Variants in NELL1 observed in about 807,000 individuals in gnomAD.
NELL1 encodes the protein protein kinase C-binding protein NELL1.
NELL1 carries 76 observed loss-of-function variants against 107.4 expected under a neutral mutation model. The observed-to-expected ratio is 0.71, with a 90% CI of 0.59 to 0.86. NELL1 has a LOEUF of 0.86. Ranked by LOEUF, NELL1 falls within the 40% of genes least tolerant of loss-of-function variation. NELL1 has a pLI of 0.00. For missense variants in NELL1, 1,024 were observed against 1,005.5 expected (o/e 1.02, Z -0.25); for synonymous variants, 353 against 341.2 (o/e 1.03, Z -0.38).
At chr11:20,825,669 C>G (rs1362066701) in intron 3 of NELL1, among the ~76,000 whole-genome samples, 2 of 151,308 alleles carry the variant, frequency 1.3e-5, no homozygotes, top group Admixed American at 6.6e-5. Flanking sequence ...TAGGAAGTAA[C>G]TAACTTGCTT....
At chr11:21,108,410 A>G (rs945399710) in intron 12 of NELL1, among the ~76,000 whole-genome samples, 1 of 152,156 alleles carries the variant, frequency 6.6e-6, no homozygotes, top group Non-Finnish European at 1.5e-5. Flanking sequence ...TTTTAAAACA[A>G]AAACAAACTA....
chr11:21,211,656 A>G (rs1172013985), intron 13 of NELL1, among the ~76,000 whole-genome samples: 1 of 152,172 alleles, frequency 6.6e-6, no homozygotes, highest in Non-Finnish European at 1.5e-5. Flanking sequence ...GATAACTTGG[A>G]TAAGCGGAAT....
At chr11:20,755,865 GTTT>G (rs574606148) in intron 2 of NELL1, among the ~76,000 whole-genome samples, 3 of 122,074 alleles carry the variant, frequency 2.5e-5, no homozygotes, top group African/African-American at 6.6e-5. Context: ...CAGACCTGCG[GTTT>G]TTTTTTTTTT....
intron 14 of NELL1, among the ~76,000 whole-genome samples, chr11:21,354,847 T>A (rs1032980334): frequency 6.6e-6 from 1 of 152,200 alleles, no homozygotes; most frequent in East Asian, 1.9e-4. Context: ...CTGGAATTTA[T>A]CTCTTTAAAA....
intron 13 of NELL1, among the ~76,000 whole-genome samples, chr11:21,137,395 A>G (rs1018553834): frequency 1.4e-4 from 21 of 152,246 alleles, no homozygotes; most frequent in Non-Finnish European, 2.4e-4. Flanking sequence ...AGGATCATAC[A>G]GGCTCAGGAG....
intron 15 of NELL1, among the ~76,000 whole-genome samples, chr11:21,374,891 G>GTC (rs1347875269): frequency 4.0e-5 from 1 of 25,304 alleles, no homozygotes; most frequent in African/African-American, 7.6e-5. Context: ...GTGTGTCTGT[G>GTC]TGTGTGTGTG....
chr11:20,954,497 A>T (rs1017110444), intron 11 of NELL1, among the ~76,000 whole-genome samples: 1 of 152,166 alleles, frequency 6.6e-6, no homozygotes. Context: ...GATTGAGGCC[A>T]TAGGTGGTTT....
intron 9 of NELL1, among the ~76,000 whole-genome samples, chr11:20,936,677 T>G (rs1411652981): frequency 6.6e-6 from 1 of 152,224 alleles, no homozygotes; most frequent in Non-Finnish European, 1.5e-5. Context: ...GTAAGCTCCA[T>G]GAGAAGAAAG....
In NELL1 at chr11:20,919,345, A is replaced by T. The variant is rs779651456; in HGVS notation, c.759+11A>T. 3 of 1,499,868 alleles carry T rather than the reference A, an allele frequency of 2.0e-6. No individual in the cohort carries two copies. The highest frequency in any genetic ancestry group is 2.8e-6 in the Non-Finnish European group (3 of 1,081,990). The allele number at this position is 1,499,868 out of a possible 1,614,324, so 92.9% of individuals were successfully genotyped here. A position where few individuals can be genotyped will look rare whatever the true frequency, so the allele number is the denominator to read the frequency against. ...AAGATGACTGCAAAAGTAGGTATCTAAATTTCATTTGTGATGTTTCATTTC... is the reference window on the plus strand; with the variant it reads ...AAGATGACTGCAAAAGTAGGTATCTTAATTTCATTTGTGATGTTTCATTTC... On this transcript the variant is annotated intron_variant, in intron 7 of 19. Transcript: ENST00000357134.
intron 12 of NELL1, among the ~76,000 whole-genome samples, chr11:20,975,822 A>G (rs897885757): frequency 1.4e-4 from 18 of 130,172 alleles, no homozygotes; most frequent in Admixed American, 6.3e-4. Flanking sequence ...TTATATATGT[A>G]TTATATATGT....
intron 13 of NELL1, among the ~76,000 whole-genome samples, chr11:21,142,046 G>A (rs949054940): frequency 1.2e-4 from 19 of 152,276 alleles, no homozygotes; most frequent in African/African-American, 4.3e-4. Flanking sequence ...TTATAGGCAT[G>A]AGCCACCACA....
At chr11:20,902,744 TTAAA>T (rs1165244571) in intron 5 of NELL1, among the ~76,000 whole-genome samples, 2 of 152,066 alleles carry the variant, frequency 1.3e-5, no homozygotes, top group Non-Finnish European at 2.9e-5. Context: ...AGGAGAATGT[TTAAA>T]TACGTTGTAG....
intron 2 of NELL1, among the ~76,000 whole-genome samples, chr11:20,756,105 C>T (rs894133047): frequency 1.3e-5 from 2 of 151,516 alleles, no homozygotes; most frequent in Non-Finnish European, 2.9e-5. Flanking sequence ...TGGTCTCGAT[C>T]TCCTGACCTC....
intron 3 of NELL1, among the ~76,000 whole-genome samples, chr11:20,835,914 A>C (rs568220448): frequency 6.6e-6 from 1 of 152,162 alleles, no homozygotes; most frequent in Non-Finnish European, 1.5e-5. Context: ...CCATGGAAGA[A>C]AAAGTTGTTA....
chr11:20,927,793 G>A (rs1850532195), intron 8 of NELL1, among the ~76,000 whole-genome samples: 1 of 152,112 alleles, frequency 6.6e-6, no homozygotes, highest in African/African-American at 2.4e-5. Context: ...CTTTAAAAGG[G>A]GAGTTTAATT....
intron 13 of NELL1, among the ~76,000 whole-genome samples, chr11:21,174,965 A>G (rs1186333422): frequency 6.6e-6 from 1 of 151,730 alleles, no homozygotes; most frequent in African/African-American, 2.4e-5. Context: ...AATTATGAGT[A>G]GTCGTGAATC....
At chr11:21,369,438 G>A (rs1354204638) in intron 14 of NELL1, among the ~76,000 whole-genome samples, 1 of 146,464 alleles carries the variant, frequency 6.8e-6, no homozygotes, top group Non-Finnish European at 1.5e-5. Flanking sequence ...TGAATTCTAA[G>A]GTACACACTA....
chr11:21,153,333 T>A (rs1856160731), intron 13 of NELL1, among the ~76,000 whole-genome samples: 2 of 152,152 alleles, frequency 1.3e-5, no homozygotes, highest in Admixed American at 1.3e-4. Flanking sequence ...TGTGTGAGTG[T>A]GTATTTGTGT....
intron 15 of NELL1, among the ~76,000 whole-genome samples, chr11:21,523,203 T>C (rs1855771657): frequency 6.6e-6 from 1 of 152,100 alleles, no homozygotes; most frequent in Admixed American, 6.6e-5. Flanking sequence ...ATCATTTATG[T>C]CTACATGGAA....
Sources: gnomAD v4.1 joint callset for allele counts (sites outside exome capture counted in the v4.1 genomes callset) on GRCh38, gnomAD v4.1.1 for gene constraint, MANE v1.5 for transcripts, NCBI Gene and HGNC (gene_info 2026-07-23, HGNC 2026-07-21) for gene names.